Variants in IQANK1 observed in about 807,000 individuals in gnomAD.
IQANK1 encodes the protein IQ motif and ankyrin repeat containing 1.
IQANK1 carries 30 observed loss-of-function variants against 22.6 expected under a neutral mutation model. The observed-to-expected ratio is 1.33, with a 90% CI of 0.99 to 1.80. The LOEUF is 1.80. Among genes scored for constraint, IQANK1 ranks in the 40% most tolerant of loss-of-function variants. The pLI is 0.00. For missense variants in IQANK1, 275 were observed against 235.2 expected (o/e 1.17, Z -1.11); for synonymous variants, 122 against 99.6 (o/e 1.23, Z -1.34).
chr8:143,773,782 G>A (rs1177052245), intron 7 of IQANK1, among the ~76,000 whole-genome samples: 1 of 152,180 alleles, frequency 6.6e-6, no homozygotes, highest in African/African-American at 2.4e-5. Context: ...GGAGGGGAGG[G>A]GCAGGGCCGA....
At chr8:143,747,860 G>C (rs1485525020) in intron 3 of IQANK1, among the ~76,000 whole-genome samples, 1 of 151,156 alleles carries the variant, frequency 6.6e-6, no homozygotes, top group Non-Finnish European at 1.5e-5. Flanking sequence ...TGCTATTATT[G>C]GCTAGAGTGT....
intron 3 of IQANK1, among the ~76,000 whole-genome samples, chr8:143,752,040 A>G (rs1315482908): frequency 3.3e-5 from 5 of 152,010 alleles, no homozygotes; most frequent in African/African-American, 1.2e-4. Flanking sequence ...ATCTTGGCTC[A>G]CCGCAACCTC....
chr8:143,749,484 A>G (rs1238197026), intron 3 of IQANK1, among the ~76,000 whole-genome samples: 1 of 133,874 alleles, frequency 7.5e-6, no homozygotes, highest in Non-Finnish European at 1.5e-5. Context: ...ATATGTATAA[A>G]TATATAAATA....
At chr8:143,751,678 A>ATATATAT (rs1554628061) in intron 3 of IQANK1, among the ~76,000 whole-genome samples, 4 of 139,130 alleles carry the variant, frequency 2.9e-5, no homozygotes, top group East Asian at 2.0e-4. Context: ...ATATATATAT[A>ATATATAT]AAATCCTATA....
intron 3 of IQANK1, among the ~76,000 whole-genome samples, chr8:143,753,877 A>T (rs1217632812): frequency 2.0e-5 from 3 of 152,114 alleles, no homozygotes; most frequent in African/African-American, 7.2e-5. Flanking sequence ...ATAATGTGGT[A>T]ACTCTGGAAA....
At chr8:143,750,301 C>G (rs1554627901) in intron 3 of IQANK1, among the ~76,000 whole-genome samples, 2 of 152,106 alleles carry the variant, frequency 1.3e-5, no homozygotes, top group African/African-American at 4.8e-5. Flanking sequence ...CCTGACCTCC[C>G]TTGTGAACTT....
Position 143,768,505 on chromosome 8 carries a change from C to T in IQANK1, c.176-2983C>T, listed in dbSNP as rs11986443. 9.6e-3 allele frequency among the ~76,000 whole-genome samples: 1,465 copies of T among 152,222 alleles called. 27 individuals carry two copies. Among genetic ancestry groups the T allele is most frequent in the African/African-American group, 0.033 (1,375 of 41,514 alleles). ...AAACCCCTGCCCACTGAAACGTGCG[C>T]CGGCGGACATACGTCGGTGGCTGTC... On this transcript the variant is annotated intron_variant, in intron 3 of 13. Coordinates refer to ENST00000527139, the MANE Select transcript of IQANK1 (RefSeq NM_001381874.1).
intron 3 of IQANK1, among the ~76,000 whole-genome samples, chr8:143,754,130 A>AG (rs1819245176): frequency 1.3e-5 from 2 of 152,110 alleles, no homozygotes; most frequent in African/African-American, 4.8e-5. Flanking sequence ...AAAAATCAAG[A>AG]GGGAAAAAAA....
rs560433368 is a variant in IQANK1 at position 143,750,968 on chromosome 8, T to TG, written c.175+11020_175+11021insG. Among the ~76,000 whole-genome samples the TG allele has an allele frequency of 5.0e-3, 569 of 113,066 alleles. 4 individuals carry two copies. The highest frequency in any genetic ancestry group is 0.011 in the African/African-American group (418 of 36,526). 74.2% of individuals were successfully genotyped at this position (113,066 alleles called of 152,430 possible). ...TTTGTGTGTGTGTGTGTGTGTGTGT[T>TG]TTTTTGTAGTGAAATGTTTCAATTT... On this transcript the variant is annotated intron_variant, in intron 3 of 13. Transcript: ENST00000527139.
chr8:143,742,616 C>T (rs1554626723), intron 3 of IQANK1: 2 of 456,068 alleles, frequency 4.4e-6, no homozygotes, highest in Admixed American at 4.7e-5. Context: ...GGCAGCATTC[C>T]AGGAGCTGCT....
intron 3 of IQANK1, chr8:143,741,619 C>T (rs890205212): frequency 6.6e-6 from 1 of 152,408 alleles, no homozygotes; most frequent in Non-Finnish European, 1.5e-5. Flanking sequence ...ACTGCCCTGC[C>T]TCCAGACGGC....
At chr8:143,775,787 T>TACACACACACACACACACACACACACAC (rs35665050) in intron 7 of IQANK1, among the ~76,000 whole-genome samples, 4 of 129,506 alleles carry the variant, frequency 3.1e-5, no homozygotes, top group East Asian at 2.3e-4. Context: ...ATAGCTGTAT[T>TACACACACACACACACACACACACACAC]ACACACACAC....
intron 3 of IQANK1, among the ~76,000 whole-genome samples, chr8:143,746,563 T>C (rs1819036929): frequency 6.6e-6 from 1 of 152,122 alleles, no homozygotes; most frequent in African/African-American, 2.4e-5. Flanking sequence ...TTTAATTTTT[T>C]GTAGAGATGG....
intron 3 of IQANK1, chr8:143,759,163 C>T: frequency 3.7e-6 from 1 of 273,202 alleles, no homozygotes; most frequent in South Asian, 4.3e-5. Flanking sequence ...GGCTGGGCTG[C>T]AGGCAGCAAG....
chr8:143,750,527 C>T (rs1819168902), intron 3 of IQANK1, among the ~76,000 whole-genome samples: 1 of 152,120 alleles, frequency 6.6e-6, no homozygotes. Context: ...AATCCATTTA[C>T]ATTTAAAGTA....
chr8:143,784,182 C>T (rs1437363912), intron 7 of IQANK1, among the ~76,000 whole-genome samples: 3 of 152,046 alleles, frequency 2.0e-5, no homozygotes, highest in African/African-American at 7.2e-5. Context: ...GGATCTATGT[C>T]CCCACCCAAA....
chr8:143,747,972 C>CCTTTCCTTTCCTTT (rs1398869330), intron 3 of IQANK1, among the ~76,000 whole-genome samples: 3 of 50,762 alleles, frequency 5.9e-5, no homozygotes, highest in Admixed American at 2.2e-4. Flanking sequence ...CCTTTCCTTT[C>CCTTTCCTTTCCTTT]CCTTTCCTTT....
At chr8:143,759,166 G>A in intron 3 of IQANK1, 3 of 268,686 alleles carry the variant, frequency 1.1e-5, no homozygotes, top group Non-Finnish European at 2.2e-5. Flanking sequence ...TGGGCTGCAG[G>A]CAGCAAGAGA....
At chr8:143,775,787 TACACACACACACACACACAC>T (rs35665050) in intron 7 of IQANK1, among the ~76,000 whole-genome samples, 1 of 129,432 alleles carries the variant, frequency 7.7e-6, no homozygotes, top group African/African-American at 3.0e-5. Context: ...ATAGCTGTAT[TACACACACACACACACACAC>T]ACACACACAC....
Sources: allele counts gnomAD v4.1 joint callset (sites outside exome capture counted in the v4.1 genomes callset), GRCh38; gene constraint gnomAD v4.1.1; transcripts MANE v1.5; gene names NCBI Gene and HGNC (gene_info 2026-07-23, HGNC 2026-07-21).